The following EXOC6B variants were observed in gnomAD, a reference collection of about 807,000 sequenced individuals.
EXOC6B encodes SEC15 homolog B.
Under a neutral mutation model 113.5 loss-of-function variants are expected in EXOC6B, and 54 were observed. The ratio of observed to expected loss-of-function variants is 0.48; its 90% CI spans 0.38 to 0.60. The LOEUF is 0.60. Among genes scored for constraint, EXOC6B ranks in the 20% least tolerant of loss-of-function variants. The probability of loss-of-function intolerance (pLI) is 0.00; values close to 1 mark genes in which losing one functional copy is unlikely to be tolerated. For synonymous variants in EXOC6B, 357 were observed against 339.0 expected, an observed-to-expected ratio of 1.05 and a Z score of -0.58; for missense variants, 797 against 977.5, an observed-to-expected ratio of 0.82 and a Z score of 2.46.
At chr2:72,248,193 C>T (rs979797161) in intron 20 of EXOC6B, among the ~76,000 whole-genome samples, 5 of 152,102 alleles carry the variant, frequency 3.3e-5, no homozygotes, top group Non-Finnish European at 5.9e-5. Context: ...ATCATTTTTT[C>T]ATTATTAAAA....
At chr2:72,519,352 G>A (rs769657317) in intron 8 of EXOC6B, among the ~76,000 whole-genome samples, 1 of 152,036 alleles carries the variant, frequency 6.6e-6, no homozygotes, top group Admixed American at 6.5e-5. Context: ...TAGTACCAAC[G>A]TGCTGTCTAG....
chr2:72,210,747 T>C lies in EXOC6B; in HGVS notation c.2197-26560A>G, dbSNP rs142116347. On this transcript the variant is annotated intron_variant, in intron 20 of 21. Coordinates refer to ENST00000272427, the MANE Select transcript of EXOC6B (RefSeq NM_015189.3). ...AAGCTTGGTTTGCACTTTGTTTTTCTTGTGGGCAGCAGCAAGGTGGGATTA... is the reference window on the plus strand; with the variant it reads ...AAGCTTGGTTTGCACTTTGTTTTTCCTGTGGGCAGCAGCAAGGTGGGATTA... 2.3e-4 allele frequency among the ~76,000 whole-genome samples: 35 copies of C among 152,320 alleles called. 1 individual carries two copies. The East Asian group carries it at 6.0e-3, about 26-fold the overall frequency.
At chr2:72,182,263 T>C (rs774574159) in intron 21 of EXOC6B, among the ~76,000 whole-genome samples, 10 of 152,058 alleles carry the variant, frequency 6.6e-5, no homozygotes, top group Non-Finnish European at 1.3e-4. Flanking sequence ...TGTTGAGCCA[T>C]AGGGAGTGGA....
chr2:72,220,352 T>C lies in EXOC6B; in HGVS notation c.2197-36165A>G, dbSNP rs534044205. On this transcript the variant is annotated intron_variant, in intron 20 of 21. Coordinates refer to ENST00000272427, the MANE Select transcript of EXOC6B (RefSeq NM_015189.3). The stretch of plus-strand genomic sequence containing the variant: ...CAAGCAGATGTGTTGCTCTCTAGAA[T>C]CTGGCCAAGGCAACTAGAAAATACA... Among the ~76,000 whole-genome samples the C allele has an allele frequency of 1.8e-4, 27 of 152,188 alleles. No homozygotes were observed. The East Asian group carries it at 5.0e-3, about 28-fold the overall frequency.
intron 6 of EXOC6B, among the ~76,000 whole-genome samples, chr2:72,671,819 G>GAAAGAAAGAAAC (rs1553464116): frequency 2.3e-5 from 3 of 132,898 alleles, no homozygotes; most frequent in African/African-American, 8.3e-5. Context: ...AAGAAAGAAA[G>GAAAGAAAGAAAC]AAGAGAAAAG....
intron 20 of EXOC6B, among the ~76,000 whole-genome samples, chr2:72,263,988 C>T (rs1683895016): frequency 6.6e-6 from 1 of 152,138 alleles, no homozygotes; most frequent in African/African-American, 2.4e-5. Flanking sequence ...CTTAGAATAC[C>T]ACAGAGTTGG....
intron 20 of EXOC6B, among the ~76,000 whole-genome samples, chr2:72,227,897 C>T (rs1358600388): frequency 6.6e-6 from 1 of 152,102 alleles, no homozygotes; most frequent in Non-Finnish European, 1.5e-5. Context: ...TTTAGTGTTA[C>T]ACAACTAATG....
chr2:72,638,456 C>G (rs1363525798), intron 6 of EXOC6B, among the ~76,000 whole-genome samples: 9 of 152,046 alleles, frequency 5.9e-5, no homozygotes, highest in Non-Finnish European at 1.2e-4. Flanking sequence ...ATAATCCAAA[C>G]AGATCTTCTG....
chr2:72,451,222 C>A (rs1042389470), intron 18 of EXOC6B, among the ~76,000 whole-genome samples: 1 of 152,138 alleles, frequency 6.6e-6, no homozygotes, highest in African/African-American at 2.4e-5. Context: ...AAAATAGGCA[C>A]AAAAGAAAAT....
chr2:72,515,221 G>T, intron 8 of EXOC6B, 95 bp from the exon 9 acceptor site: 3 of 1,164,410 alleles, frequency 2.6e-6, no homozygotes, highest in Non-Finnish European at 3.7e-6. Context: ...GGAATTTGAG[G>T]TAGTATCACA....
At chr2:72,222,304 A>C (rs191396450) in intron 20 of EXOC6B, among the ~76,000 whole-genome samples, 1 of 152,220 alleles carries the variant, frequency 6.6e-6, no homozygotes, top group African/African-American at 2.4e-5. Flanking sequence ...CTCTGTGTCC[A>C]CAATTGATCG....
chr2:72,493,330 C>A lies in EXOC6B; in HGVS notation c.1554-901G>T, dbSNP rs115145004. Among the ~76,000 whole-genome samples, 6 of 137,956 alleles carry A rather than the reference C, an allele frequency of 4.3e-5. 1 individual carries two copies. Among genetic ancestry groups the A allele is most frequent in the African/African-American group, 1.4e-4 (5 of 35,542 alleles). 90.5% of individuals were successfully genotyped at this position (137,956 alleles called of 152,430 possible). On this transcript the variant is annotated intron_variant, in intron 15 of 21. Coordinates refer to ENST00000272427, the MANE Select transcript of EXOC6B (RefSeq NM_015189.3). Reference sequence around the variant, plus strand: ...CTTCTCTGTTTTTCTCCCCCCCCCCCCCCCGCATTTTTACATAGGAAGCAA... The same window carrying A: ...CTTCTCTGTTTTTCTCCCCCCCCCCACCCCGCATTTTTACATAGGAAGCAA...
At chr2:72,760,332 G>A (rs1682666204) in intron 1 of EXOC6B, among the ~76,000 whole-genome samples, 1 of 152,138 alleles carries the variant, frequency 6.6e-6, no homozygotes, top group Admixed American at 6.5e-5. Context: ...TCAAGACAGT[G>A]TTAGTTTACT....
At chr2:72,441,072 C>G (rs1168986858) in intron 18 of EXOC6B, among the ~76,000 whole-genome samples, 1 of 152,130 alleles carries the variant, frequency 6.6e-6, no homozygotes, top group African/African-American at 2.4e-5. Flanking sequence ...TGGTAACGGT[C>G]TTTCCATATT....
chr2:72,258,361 CTTTTT>C, intron 20 of EXOC6B, among the ~76,000 whole-genome samples: 1 of 124,838 alleles, frequency 8.0e-6, no homozygotes. Context: ...TTATCTTTTT[CTTTTT>C]TTTTTTTTTT....
At chr2:72,609,198 T>C (rs1298044420) in intron 6 of EXOC6B, among the ~76,000 whole-genome samples, 1 of 151,930 alleles carries the variant, frequency 6.6e-6, no homozygotes, top group Non-Finnish European at 1.5e-5. Flanking sequence ...TTATGAGACA[T>C]GGGAAAAAGC....
intron 6 of EXOC6B, among the ~76,000 whole-genome samples, chr2:72,643,062 G>T (rs1026726565): frequency 6.6e-6 from 1 of 152,038 alleles, no homozygotes; most frequent in African/African-American, 2.4e-5. Flanking sequence ...ACCACAATGA[G>T]ATACCATCTC....
At chr2:72,242,998 T>C (rs1230917308) in intron 20 of EXOC6B, among the ~76,000 whole-genome samples, 1 of 152,170 alleles carries the variant, frequency 6.6e-6, no homozygotes, top group Non-Finnish European at 1.5e-5. Flanking sequence ...AGTGTTGGGA[T>C]TACAGGCATG....
At chr2:72,754,396 C>CT (rs1468473533) in intron 1 of EXOC6B, among the ~76,000 whole-genome samples, 1 of 150,990 alleles carries the variant, frequency 6.6e-6, no homozygotes, top group Non-Finnish European at 1.5e-5. Flanking sequence ...ACACCAATTT[C>CT]TTTTTTTTTC....
Sources: allele counts gnomAD v4.1 joint callset (sites outside exome capture counted in the v4.1 genomes callset), GRCh38; gene constraint gnomAD v4.1.1; transcripts MANE v1.5; gene names NCBI Gene and HGNC (gene_info 2026-07-23, HGNC 2026-07-21).